SEMA3E: variants seen among roughly 807,000 people sequenced by gnomAD.
The protein encoded by SEMA3E is semaphorin 3E.
Under a neutral mutation model 93.6 loss-of-function variants are expected in SEMA3E, and 49 were observed. That is an observed-to-expected ratio of 0.52 (90% CI 0.42 to 0.66). The LOEUF (loss-of-function observed/expected upper bound fraction) is 0.66. Among genes scored for constraint, SEMA3E ranks in the 30% least tolerant of loss-of-function variants. The pLI is 0.00. For missense variants in SEMA3E, 906 were observed against 964.8 expected (o/e 0.94, Z 0.81); for synonymous variants, 363 against 330.7 (o/e 1.10, Z -1.06).
intron 5 of SEMA3E, among the ~76,000 whole-genome samples, chr7:83,413,198 C>T (rs183851427): frequency 5.9e-5 from 9 of 152,068 alleles, no homozygotes; most frequent in East Asian, 3.9e-4. Flanking sequence ...TTTTATGGAA[C>T]GTATCAAGAG....
intron 1 of SEMA3E, among the ~76,000 whole-genome samples, chr7:83,576,513 A>C (rs1436389174): frequency 6.6e-6 from 1 of 152,178 alleles, no homozygotes; most frequent in African/African-American, 2.4e-5. Flanking sequence ...ATCTTTTTCT[A>C]TAAGTCAGTT....
intron 1 of SEMA3E, among the ~76,000 whole-genome samples, chr7:83,645,631 A>T (rs1794068840): frequency 1.3e-5 from 2 of 151,888 alleles, no homozygotes; most frequent in Non-Finnish European, 2.9e-5. Flanking sequence ...AGAGAGAGGG[A>T]TTCAATATTA....
At chr7:83,562,086 C>T (rs1792041092) in intron 1 of SEMA3E, among the ~76,000 whole-genome samples, 1 of 152,060 alleles carries the variant, frequency 6.6e-6, no homozygotes, top group South Asian at 2.1e-4. Flanking sequence ...CATTTTAGTT[C>T]AATTGGATAC....
At chr7:83,460,106 C>G (rs2466442) in intron 4 of SEMA3E, among the ~76,000 whole-genome samples, 79,596 of 151,854 alleles carry the variant, frequency 0.52, 23,125 homozygotes, top group East Asian at 0.87. Flanking sequence ...TCTCTTCACA[C>G]GGACGTGCAT....
intron 1 of SEMA3E, among the ~76,000 whole-genome samples, chr7:83,634,446 G>A (rs1019159950): frequency 5.3e-5 from 8 of 151,740 alleles, no homozygotes; most frequent in African/African-American, 1.7e-4. Context: ...CTTCAGTTTG[G>A]GCATACACAT....
intron 1 of SEMA3E, among the ~76,000 whole-genome samples, chr7:83,497,976 A>G (rs1790521175): frequency 6.6e-6 from 1 of 152,148 alleles, no homozygotes; most frequent in African/African-American, 2.4e-5. Context: ...TTATTATTTA[A>G]TGTTATATGG....
chr7:83,392,747 A>G (rs748758453), intron 13 of SEMA3E, 26 bp from the exon 14 acceptor site: 1 of 1,611,498 alleles, frequency 6.2e-7, no homozygotes, highest in Non-Finnish European at 8.5e-7. Flanking sequence ...AGAGGTCACT[A>G]GCAGAAATGG....
chr7:83,551,761 TTGA>T (rs1791768927), intron 1 of SEMA3E, among the ~76,000 whole-genome samples: 8 of 152,162 alleles, frequency 5.3e-5, no homozygotes, highest in Admixed American at 2.0e-4. Flanking sequence ...CTCAACACTA[TTGA>T]CATTTTGGCT....
At chr7:83,496,424 A>G (rs1233441329) in intron 1 of SEMA3E, among the ~76,000 whole-genome samples, 1 of 152,056 alleles carries the variant, frequency 6.6e-6, no homozygotes, top group Admixed American at 6.6e-5. Context: ...TGGCAACAAG[A>G]TAAATAGAAA....
intron 1 of SEMA3E, among the ~76,000 whole-genome samples, chr7:83,578,616 T>C (rs992383641): frequency 1.3e-4 from 20 of 152,116 alleles, no homozygotes; most frequent in African/African-American, 4.6e-4. Flanking sequence ...CACAGAAAAT[T>C]GTTTTATCTG....
intron 4 of SEMA3E, among the ~76,000 whole-genome samples, chr7:83,465,865 C>A (rs542123859): frequency 6.6e-6 from 1 of 152,210 alleles, no homozygotes; most frequent in East Asian, 1.9e-4. Flanking sequence ...GATCTTTGAG[C>A]CTGCTTGCTA....
chr7:83,394,227 T>C (rs1788073514), intron 13 of SEMA3E, 70 bp downstream of exon 13: 9 of 1,506,862 alleles, frequency 6.0e-6, no homozygotes, highest in Non-Finnish European at 6.4e-6. Flanking sequence ...AATGTTCTCA[T>C]ATCCTTTGAC....
In SEMA3E at chr7:83,363,863, T is replaced by TTTTTTCTTTTTTTTTTTTC; in HGVS notation, c.*3722_*3723insGAAAAAAAAAAAAGAAAAA. 3.7e-4 allele frequency: 2 copies of TTTTTTCTTTTTTTTTTTTC among 5,342 alleles called. No homozygotes were observed. Among genetic ancestry groups the TTTTTTCTTTTTTTTTTTTC allele is most frequent in the African/African-American group, 3.3e-4 (1 of 3,064 alleles). 0.3% of individuals were successfully genotyped at this position (5,342 alleles called of 1,614,324 possible). On this transcript the variant is annotated 3_prime_UTR_variant, in exon 17 of 17. Transcript: ENST00000643230. ...TACAGGTGTCACAGGTCAATTCATTTTTTTTTTTTTTTTTTTTTTTTTTTT... is the reference window on the plus strand; with the variant it reads ...TACAGGTGTCACAGGTCAATTCATTTTTTTTCTTTTTTTTTTTTCTTTTTTTTTTTTTTTTTTTTTTTTT...
At chr7:83,435,666 ATTC>A in intron 4 of SEMA3E, among the ~76,000 whole-genome samples, 1 of 152,272 alleles carries the variant, frequency 6.6e-6, no homozygotes, top group Non-Finnish European at 1.5e-5. Flanking sequence ...TTTTTAATTT[ATTC>A]TTCAATATTT....
chr7:83,434,764 A>C (rs1446589308), intron 4 of SEMA3E, among the ~76,000 whole-genome samples: 3 of 132,424 alleles, frequency 2.3e-5, no homozygotes, highest in Non-Finnish European at 4.6e-5. Context: ...CCCAGGCTGG[A>C]GTGCAGTGGC....
intron 1 of SEMA3E, among the ~76,000 whole-genome samples, chr7:83,607,436 G>C (rs909262922): frequency 2.6e-5 from 4 of 152,120 alleles, no homozygotes; most frequent in Non-Finnish European, 4.4e-5. Flanking sequence ...TTAATCATAA[G>C]GGGAGAAGGC....
At chr7:83,470,014 C>G (rs1480486822) in intron 2 of SEMA3E, among the ~76,000 whole-genome samples, 1 of 151,958 alleles carries the variant, frequency 6.6e-6, no homozygotes, top group Non-Finnish European at 1.5e-5. Context: ...TCTCGATCTC[C>G]TGGCCTCGTG....
chr7:83,560,456 A>C (rs1792007841), intron 1 of SEMA3E, among the ~76,000 whole-genome samples: 2 of 152,050 alleles, frequency 1.3e-5, no homozygotes, highest in South Asian at 4.1e-4. Context: ...CATGATGAAA[A>C]CTGATAATGC....
At chr7:83,530,366 T>G (rs1791263859) in intron 1 of SEMA3E, among the ~76,000 whole-genome samples, 1 of 152,224 alleles carries the variant, frequency 6.6e-6, no homozygotes, top group African/African-American at 2.4e-5. Context: ...AACCACTTTG[T>G]AATACTGCCT....
Sources: gnomAD v4.1 joint callset for allele counts (sites outside exome capture counted in the v4.1 genomes callset) on GRCh38, gnomAD v4.1.1 for gene constraint, MANE v1.5 for transcripts, NCBI Gene and HGNC (gene_info 2026-07-23, HGNC 2026-07-21) for gene names.